LOC128462377: variants seen among roughly 807,000 people sequenced by gnomAD.
the LOC128462377 span, among the ~76,000 whole-genome samples, chr16:89,379,007 C>T: frequency 1.3e-5 from 2 of 152,220 alleles, no homozygotes; most frequent in Admixed American, 6.5e-5. Context: ...AAGACGCCTC[C>T]TGCAGTCGTA....
the LOC128462377 span, among the ~76,000 whole-genome samples, chr16:89,389,074 G>C: frequency 0.012 from 1,790 of 152,292 alleles, 26 homozygotes; most frequent in South Asian, 0.046. Flanking sequence ...GACAGCAATG[G>C]ATTACAGTGC....
chr16:89,365,930 C>A, the LOC128462377 span, among the ~76,000 whole-genome samples: 4,453 of 152,102 alleles, frequency 0.029, 148 homozygotes, highest in African/African-American at 0.075. Context: ...CTCATCATTT[C>A]GTTCCCATTC....
At chr16:89,345,036 C>T in the LOC128462377 span, among the ~76,000 whole-genome samples, 2 of 152,170 alleles carry the variant, frequency 1.3e-5, no homozygotes, top group South Asian at 2.1e-4. Flanking sequence ...CAAGGCCAAG[C>T]GGTGCTCCAG....
the LOC128462377 span, among the ~76,000 whole-genome samples, chr16:89,332,256 T>C: frequency 1.3e-5 from 2 of 152,134 alleles, no homozygotes; most frequent in Non-Finnish European, 2.9e-5. Context: ...CTATAAACAC[T>C]GAAACAGACA....
the LOC128462377 span, among the ~76,000 whole-genome samples, chr16:89,378,093 T>C: frequency 3.8e-3 from 583 of 152,276 alleles, 3 homozygotes; most frequent in African/African-American, 0.014. Flanking sequence ...CTCACACTTA[T>C]AATCCCAGTG....
the LOC128462377 span, among the ~76,000 whole-genome samples, chr16:89,402,680 C>T: frequency 1.5e-5 from 1 of 65,638 alleles, no homozygotes; most frequent in Non-Finnish European, 3.1e-5. Flanking sequence ...GGTGGTTCTG[C>T]GGGAGGAGGT....
the LOC128462377 span, among the ~76,000 whole-genome samples, chr16:89,365,722 T>A: frequency 1.3e-5 from 2 of 152,300 alleles, no homozygotes; most frequent in East Asian, 1.9e-4. Context: ...ACGTTTTTTT[T>A]AACTTTGTTT....
the LOC128462377 span, among the ~76,000 whole-genome samples, chr16:89,350,258 GAA>G: frequency 6.6e-6 from 1 of 152,180 alleles, no homozygotes; most frequent in African/African-American, 2.4e-5. Context: ...GGTCACTTTG[GAA>G]AAGAGTCTGG....
chr16:89,383,855 C>T, the LOC128462377 span, among the ~76,000 whole-genome samples: 3 of 152,208 alleles, frequency 2.0e-5, no homozygotes, highest in Non-Finnish European at 2.9e-5. Flanking sequence ...CTTTCCCAAA[C>T]ACCACCTCCA....
the LOC128462377 span, among the ~76,000 whole-genome samples, chr16:89,331,612 G>C: frequency 4.6e-5 from 7 of 152,032 alleles, no homozygotes; most frequent in African/African-American, 1.5e-4. Context: ...AGCGATTCAG[G>C]AGATAGAGAT....
At chr16:89,359,005 T>C in the LOC128462377 span, among the ~76,000 whole-genome samples, 1 of 152,174 alleles carries the variant, frequency 6.6e-6, no homozygotes, top group African/African-American at 2.4e-5. Context: ...TTCTATTTTT[T>C]GTAAAGACAA....
At chr16:89,358,488 G>A in the LOC128462377 span, among the ~76,000 whole-genome samples, 4 of 152,336 alleles carry the variant, frequency 2.6e-5, no homozygotes, top group South Asian at 8.3e-4. Flanking sequence ...AGGATAACTA[G>A]TTGAGAAGAT....
chr16:89,388,950 T>A, the LOC128462377 span, among the ~76,000 whole-genome samples: 1 of 152,210 alleles, frequency 6.6e-6, no homozygotes, highest in Non-Finnish European at 1.5e-5. Flanking sequence ...CCAAGATGAC[T>A]TACAGGAATA....
the LOC128462377 span, among the ~76,000 whole-genome samples, chr16:89,366,618 T>C: frequency 1.5e-4 from 23 of 152,372 alleles, no homozygotes; most frequent in Non-Finnish European, 2.6e-4. Context: ...TTGAAAAGGC[T>C]GCCATCTTGC....
At chr16:89,335,006 G>C in the LOC128462377 span, among the ~76,000 whole-genome samples, 1 of 152,134 alleles carries the variant, frequency 6.6e-6, no homozygotes, top group Non-Finnish European at 1.5e-5. Flanking sequence ...TGTGACATGA[G>C]CTCTATCGTA....
At chr16:89,398,851 G>A in the LOC128462377 span, among the ~76,000 whole-genome samples, 3 of 152,228 alleles carry the variant, frequency 2.0e-5, no homozygotes, top group African/African-American at 7.2e-5. Context: ...GTGCTTTCTG[G>A]CCCAGGAGTA....
chr16:89,326,197 C>T, the LOC128462377 span, among the ~76,000 whole-genome samples: 690 of 152,240 alleles, frequency 4.5e-3, 6 homozygotes, highest in African/African-American at 0.016. Context: ...AAGGCAGGGA[C>T]GGCAGATGGA....
chr16:89,331,151 G>A, the LOC128462377 span, among the ~76,000 whole-genome samples: 1 of 152,024 alleles, frequency 6.6e-6, no homozygotes, highest in Non-Finnish European at 1.5e-5. Flanking sequence ...ATGGGGTTTC[G>A]CCATGTTGGC....
At chr16:89,353,639 G>C in the LOC128462377 span, among the ~76,000 whole-genome samples, 146 of 152,110 alleles carry the variant, frequency 9.6e-4, no homozygotes, top group African/African-American at 3.3e-3. Context: ...AACCACGCTT[G>C]CCTAATTTCT....
Sources: gnomAD v4.1 joint callset for allele counts (sites outside exome capture counted in the v4.1 genomes callset) on GRCh38, gnomAD v4.1.1 for gene constraint, MANE v1.5 for transcripts.